DNAAF5: variants seen among roughly 807,000 people sequenced by gnomAD.
DNAAF5 encodes the protein dynein axonemal assembly factor 5, also known as HEAT repeat containing 2.
DNAAF5 carries 64 observed loss-of-function variants against 75.8 expected under a neutral mutation model. The observed-to-expected ratio is 0.84, with a 90% CI of 0.69 to 1.04. The LOEUF (loss-of-function observed/expected upper bound fraction) is 1.04, where lower values mean the gene tolerates loss of function less well. DNAAF5 is among the 50% of genes least tolerant of loss of function. DNAAF5 has a pLI of 0.00. For missense variants in DNAAF5, 1,269 were observed against 1,178.5 expected (o/e 1.08, Z -1.12); for synonymous variants, 657 against 557.2 (o/e 1.18, Z -2.52).
At chr7:751,598 G>A in intron 4 of DNAAF5, among the ~76,000 whole-genome samples, 1 of 142,024 alleles carries the variant, frequency 7.0e-6, no homozygotes, top group Non-Finnish European at 1.5e-5. Context: ...TTTTGAGATG[G>A]AGTCTCACTC....
At chr7:768,028 G>A (rs1206245070) in intron 8 of DNAAF5, among the ~76,000 whole-genome samples, 2 of 151,622 alleles carry the variant, frequency 1.3e-5, no homozygotes, top group Non-Finnish European at 2.9e-5. Flanking sequence ...GCAGCGAGCA[G>A]GAGCTGGCGC....
At chr7:729,893 G>A (rs1781512240) in intron 2 of DNAAF5, 46 bp downstream of exon 2, 1 of 1,591,310 alleles carries the variant, frequency 6.3e-7, no homozygotes, top group Non-Finnish European at 8.6e-7. Context: ...CTCCAACACA[G>A]GCGGGCTGAC....
chr7:757,050 G>A (rs893858775), intron 6 of DNAAF5, 56 bp downstream of exon 6: 17 of 1,495,496 alleles, frequency 1.1e-5, no homozygotes, highest in East Asian at 7.1e-5. Context: ...CTGCCCGGCC[G>A]TCAGCCATCG....
intron 4 of DNAAF5, among the ~76,000 whole-genome samples, chr7:749,565 C>T (rs906557486): frequency 6.6e-6 from 1 of 152,174 alleles, no homozygotes; most frequent in African/African-American, 2.4e-5. Flanking sequence ...AAGATGGAAG[C>T]TTGAATGGAA....
chr7:764,582 G>A (rs62432255), intron 8 of DNAAF5, among the ~76,000 whole-genome samples: 120,038 of 152,202 alleles, frequency 0.79, 47,524 homozygotes, highest in South Asian at 0.86. Context: ...TCCCGCTCCC[G>A]CCTGCAGCTC....
intron 4 of DNAAF5, among the ~76,000 whole-genome samples, chr7:746,433 C>T (rs1449625952): frequency 2.2e-5 from 2 of 89,836 alleles, no homozygotes; most frequent in African/African-American, 1.1e-4. Flanking sequence ...ACCCAACATG[C>T]CCAGGGCCTG....
At chr7:741,276 C>A (rs1781900186) in intron 3 of DNAAF5, 71 bp from the exon 4 acceptor site, 2 of 1,165,290 alleles carry the variant, frequency 1.7e-6, no homozygotes, top group Non-Finnish European at 2.5e-6. Flanking sequence ...TGACCCGTGT[C>A]CTGGCGCAGC....
intron 4 of DNAAF5, among the ~76,000 whole-genome samples, chr7:746,327 TGCCCAGG>T (rs1189218080): frequency 0.02 from 2,294 of 115,772 alleles, 758 homozygotes; most frequent in Middle Eastern, 0.055. Flanking sequence ...CCGCCCGTCA[TGCCCAGG>T]GCCTGTGACG....
chr7:758,050 G>C (rs1380175565), intron 6 of DNAAF5, among the ~76,000 whole-genome samples: 1 of 152,236 alleles, frequency 6.6e-6, no homozygotes, highest in Non-Finnish European at 1.5e-5. Context: ...ACGGAGCTGG[G>C]GTAAGGAAGG....
In DNAAF5 at chr7:727,160, A is replaced by T; in HGVS notation, c.440A>T (p.Gln147Leu). The T allele has an allele frequency of 7.8e-7, 1 of 1,288,026 alleles. No homozygotes were observed. The highest frequency in any genetic ancestry group is 9.9e-7 in the Non-Finnish European group (1 of 1,014,326). The allele number at this position is 1,288,026 out of a possible 1,614,324, so 79.8% of individuals were successfully genotyped here. A position where few individuals can be genotyped will look rare whatever the true frequency, so the allele number is the denominator to read the frequency against. ...ACEELRLALV[Q>L]LLGLAVDLCG... ...GAGGAGCTGCGCCTGGCGCTTGTGCAGCTGCTGGGCCTGGCCGTGGACCTG... is the reference window on the plus strand; with the variant it reads ...GAGGAGCTGCGCCTGGCGCTTGTGCTGCTGCTGGGCCTGGCCGTGGACCTG... The change falls in exon 1 of 13, where the codon CAG (glutamine) becomes CTG (leucine). Residue 147 changes from glutamine (Q) to leucine (L), a missense_variant. Coordinates refer to ENST00000297440, the MANE Select transcript of DNAAF5 (RefSeq NM_017802.4).
chr7:752,480 C>T (rs919000412), intron 4 of DNAAF5, among the ~76,000 whole-genome samples: 3 of 147,456 alleles, frequency 2.0e-5, no homozygotes, highest in East Asian at 2.0e-4. Flanking sequence ...GATACGTCCT[C>T]AAAAGACCAC....
chr7:782,135 C>T (rs927409889), intron 12 of DNAAF5, among the ~76,000 whole-genome samples: 5 of 152,230 alleles, frequency 3.3e-5, no homozygotes, highest in African/African-American at 1.2e-4. Context: ...CCTCCCGTCG[C>T]GCAGCGTCAG....
rs10582414 is a variant in DNAAF5 at position 775,511 on chromosome 7, G to GGTGTGTGT, written c.2239+370_2239+377dup. 7.5e-3 allele frequency among the ~76,000 whole-genome samples: 1,123 copies of GGTGTGTGT among 150,616 alleles called. 16 individuals carry two copies. Among genetic ancestry groups the GGTGTGTGT allele is most frequent in the African/African-American group, 0.026 (1,066 of 41,094 alleles). On this transcript the variant is annotated intron_variant, in intron 11 of 12. Coordinates refer to ENST00000297440, the MANE Select transcript of DNAAF5 (RefSeq NM_017802.4). ...CCAAAACCTTGTCTTTAAAAGTAGG[G>GGTGTGTGT]GTGTGTGTGTGTGTGTGTGTGTGTG...
chr7:764,116 A>G, intron 8 of DNAAF5, 142 bp downstream of exon 8: 1 of 841,058 alleles, frequency 1.2e-6, no homozygotes, highest in Non-Finnish European at 1.8e-6. Context: ...CCCAATAGTC[A>G]CTCTTGCCTG....
At chr7:731,060 A>G (rs1012889901) in intron 2 of DNAAF5, among the ~76,000 whole-genome samples, 8 of 152,212 alleles carry the variant, frequency 5.3e-5, no homozygotes, top group African/African-American at 1.9e-4. Context: ...CAGGGCAAGA[A>G]CAGAGCCCAG....
At chr7:742,465 ACATGCCCAGCTCAAATCAAT>A (rs1781940346) in intron 4 of DNAAF5, among the ~76,000 whole-genome samples, 11 of 62,306 alleles carry the variant, frequency 1.8e-4, no homozygotes, top group African/African-American at 5.5e-4. Flanking sequence ...AGCTCAAATC[ACATGCCCAGCTCAAATCAAT>A]CATGCCCAGC....
chr7:777,855 G>C (rs1028201682), intron 11 of DNAAF5, among the ~76,000 whole-genome samples: 3 of 152,142 alleles, frequency 2.0e-5, no homozygotes, highest in Non-Finnish European at 4.4e-5. Context: ...GTGGGCGAAG[G>C]ACACGGGACG....
Position 775,145 on chromosome 7 carries a change from T to A in DNAAF5, c.2222T>A (p.Leu741His). The change falls in exon 11 of 13, where the codon CTC (leucine) becomes CAC (histidine). Residue 741 changes from leucine to histidine, a missense_variant. Coordinates refer to ENST00000297440, the MANE Select transcript of DNAAF5 (RefSeq NM_017802.4). ...TSGGMTDPEK[L>H]IRIYPELLKR... ...GGCGGCATGACGGATCCAGAGAAAC[T>A]CATCAGGATTTATCCTGGTAGGACA... is the stretch of plus-strand genomic sequence containing the variant. 1 of 1,614,038 alleles carries A rather than the reference T, an allele frequency of 6.2e-7. No homozygotes were observed. The highest frequency in any genetic ancestry group is 2.2e-5 in the East Asian group (1 of 44,870).
At chr7:737,042 A>G (rs1333857399) in intron 2 of DNAAF5, among the ~76,000 whole-genome samples, 1 of 151,956 alleles carries the variant, frequency 6.6e-6, no homozygotes, top group African/African-American at 2.4e-5. Flanking sequence ...TTTTACTTAT[A>G]TCTTTGTCTT....
Sources: gnomAD v4.1 joint callset for allele counts (sites outside exome capture counted in the v4.1 genomes callset) on GRCh38, gnomAD v4.1.1 for gene constraint, MANE v1.5 for transcripts, NCBI Gene and HGNC (gene_info 2026-07-23, HGNC 2026-07-21) for gene names.